The following BBIP1 variants were observed in gnomAD, a reference collection of about 807,000 sequenced individuals.
The protein encoded by BBIP1 is BBSome-interacting protein 1.
In BBIP1, 6 loss-of-function variants were observed where a neutral mutation model predicts 8.9. That is an observed-to-expected ratio of 0.67 (90% CI 0.37 to 1.33). The LOEUF (loss-of-function observed/expected upper bound fraction) is 1.33. BBIP1 is among the 40% of genes most tolerant of loss of function. BBIP1 has a pLI of 0.02. For missense variants in BBIP1, 111 were observed against 109.2 expected (o/e 1.02, Z -0.07); for synonymous variants, 32 against 33.4 (o/e 0.96, Z 0.14).
chr10:110,906,295 C>T (rs1049846098), intron 2 of BBIP1, among the ~76,000 whole-genome samples: 2 of 152,196 alleles, frequency 1.3e-5, no homozygotes, highest in African/African-American at 2.4e-5. Context: ...GGTGAGCCAC[C>T]GTGCCTGGCC....
At chr10:110,910,371 C>CA (rs1304919786) in intron 2 of BBIP1, among the ~76,000 whole-genome samples, 1 of 152,188 alleles carries the variant, frequency 6.6e-6, no homozygotes, top group Non-Finnish European at 1.5e-5. Context: ...AGTTCACACT[C>CA]AGTCTGCAAC....
At position 110,901,586 on chromosome 10, in the gene BBIP1, C is replaced by CT. The variant is rs1175888474; in HGVS notation, c.63dup (p.Asp22ArgfsTer31). ...AACATTGACTTCACTTCTGCCATAT[C>CT]TGAGTTGTTGGATATAGTGTTTTTT... On this transcript the variant is annotated frameshift_variant, in exon 3 of 4. Transcript: ENST00000448814. LOFTEE classifies it high-confidence loss of function. 1.3e-6 allele frequency: 2 copies of CT among 1,535,602 alleles called. No homozygotes were observed. Among genetic ancestry groups the CT allele is most frequent in the Admixed American group, 3.9e-5 (2 of 51,002 alleles).
chr10:110,899,597 T>C lies in BBIP1; in HGVS notation c.*763A>G, dbSNP rs930696809. The C allele has an allele frequency of 3.3e-5, 5 of 152,162 alleles. No homozygotes were observed. The highest frequency in any genetic ancestry group is 1.2e-4 in the African/African-American group (5 of 41,412). 9.4% of individuals were successfully genotyped at this position (152,162 alleles called of 1,614,324 possible). A position where few individuals can be genotyped will look rare whatever the true frequency, so the allele number is the denominator to read the frequency against. On this transcript the variant is annotated 3_prime_UTR_variant, in exon 4 of 4. Transcript: ENST00000448814. ...CGGATCACTTGAGGTTGGGAGTTCA[T>C]GACCAGCTTGACCAACATGAAGAAA...
At chr10:110,912,111 C>T (rs547981927) in intron 2 of BBIP1, 15 of 151,302 alleles carry the variant, frequency 9.9e-5, no homozygotes, top group South Asian at 2.1e-4. Context: ...GTGTCACAGT[C>T]GGACCAATAT....
intron 3 of BBIP1, 136 bp downstream of exon 3, chr10:110,901,402 A>C: frequency 1.6e-6 from 1 of 639,234 alleles, no homozygotes; most frequent in South Asian, 1.9e-5. Flanking sequence ...AAAAGCATAT[A>C]GTAAAAGACA....
At position 110,901,592 on chromosome 10, in the gene BBIP1, T is replaced by C; in HGVS notation, c.58A>G (p.Asn20Asp). The change falls in exon 3 of 4, where the codon AAC becomes GAC. Residue 20 changes from asparagine to aspartate, a missense_variant. Transcript: ENST00000448814. ...GACTTCACTTCTGCCATATCTGAGT[T>C]GTTGGATATAGTGTTTTTTCCTTCA... ...ELSGKNTISN[N>D]SDMAEVKSMF... The C allele has an allele frequency of 6.5e-7, 1 of 1,535,462 alleles. No homozygotes were observed. Among genetic ancestry groups the C allele is most frequent in the Admixed American group, 2.0e-5 (1 of 51,008 alleles).
At chr10:110,911,292 T>G (rs918330341) in intron 2 of BBIP1, 4 of 152,170 alleles carry the variant, frequency 2.6e-5, no homozygotes, top group African/African-American at 7.2e-5. Context: ...AAAAATATTT[T>G]AGAATTCTCC....
At chr10:110,900,709 TA>T in intron 3 of BBIP1, 183 bp from the exon 4 acceptor site, 1 of 540,820 alleles carries the variant, frequency 1.8e-6, no homozygotes, top group East Asian at 3.2e-5. Context: ...CATTTCTTAC[TA>T]GTAGGGTGCT....
At chr10:110,906,444 G>A (rs1433074889) in intron 2 of BBIP1, 1 of 152,332 alleles carries the variant, frequency 6.6e-6, no homozygotes, top group African/African-American at 2.4e-5. Flanking sequence ...CATTGATAAA[G>A]CAATTGTTGA....
intron 2 of BBIP1, among the ~76,000 whole-genome samples, chr10:110,909,484 G>A (rs1225365258): frequency 2.0e-5 from 3 of 152,198 alleles, no homozygotes; most frequent in Non-Finnish European, 4.4e-5. Flanking sequence ...ATGAGCCACC[G>A]TGCCCGGCCA....
At position 110,901,588 on chromosome 10, in the gene BBIP1, G is replaced by T. The variant is rs1421328253; in HGVS notation, c.62C>A (p.Ser21Ter). 1 of 1,535,310 alleles carries T rather than the reference G, an allele frequency of 6.5e-7. No homozygotes were observed. Among genetic ancestry groups the T allele is most frequent in the Non-Finnish European group, 8.7e-7 (1 of 1,146,332 alleles). Residue 21 changes from serine to a stop codon, truncating the protein, a stop_gained, in exon 3 of 4, where the codon TCA (serine) becomes TAA (stop). Coordinates refer to ENST00000448814, the MANE Select transcript of BBIP1 (RefSeq NM_001195305.3). LOFTEE classifies it high-confidence loss of function. ...LSGKNTISNN[S>*]DMAEVKSMFR... ...CATTGACTTCACTTCTGCCATATCTGAGTTGTTGGATATAGTGTTTTTTCC... is the reference window on the plus strand; with the variant it reads ...CATTGACTTCACTTCTGCCATATCTTAGTTGTTGGATATAGTGTTTTTTCC...
Position 110,917,900 on chromosome 10 carries a change from C to T in BBIP1, c.37+221G>A, listed in dbSNP as rs562021094. ...TGCTAAACTCAGAGGAAATTACTTC[C>T]TGCTGGGAAGAATCTGGAAACACAT... is the stretch of plus-strand genomic sequence containing the variant. On this transcript the variant is annotated intron_variant, in intron 2 of 3. Transcript: ENST00000448814. The T allele has an allele frequency of 5.2e-6, 3 of 575,868 alleles. No individual in the cohort carries two copies. The Admixed American group carries it at 9.3e-5, about 18-fold the overall frequency. 35.7% of individuals were successfully genotyped at this position (575,868 alleles called of 1,614,324 possible). A position where few individuals can be genotyped will look rare whatever the true frequency, so the allele number is the denominator to read the frequency against.
intron 2 of BBIP1, among the ~76,000 whole-genome samples, chr10:110,906,249 G>A (rs190950601): frequency 0.017 from 2,603 of 152,116 alleles, 64 homozygotes; most frequent in African/African-American, 0.059. Flanking sequence ...CTCGTGATCC[G>A]CCCACCTCGG....
intron 2 of BBIP1, chr10:110,911,600 TTG>T: frequency 6.6e-6 from 1 of 151,776 alleles, no homozygotes; most frequent in South Asian, 2.1e-4. Flanking sequence ...CATCTCCCAG[TTG>T]CAGCGGGAGG....
At chr10:110,916,738 C>T (rs1472012081) in intron 2 of BBIP1, among the ~76,000 whole-genome samples, 1 of 152,208 alleles carries the variant, frequency 6.6e-6, no homozygotes, top group Non-Finnish European at 1.5e-5. Flanking sequence ...CATCAGTACA[C>T]TTTACTGCAG....
Position 110,900,057 on chromosome 10 carries a change from C to A in BBIP1, c.*303G>T. 1 of 238,690 alleles carries A rather than the reference C, an allele frequency of 4.2e-6. No individual in the cohort carries two copies. The highest frequency in any genetic ancestry group is 8.0e-6 in the Non-Finnish European group (1 of 125,552). 14.8% of individuals were successfully genotyped at this position (238,690 alleles called of 1,614,324 possible). A position where few individuals can be genotyped will look rare whatever the true frequency, so the allele number is the denominator to read the frequency against. Reference sequence around the variant, plus strand: ...TGCCCAAGAATGCTATAAAAGATCCCAAGAATGTTATCTATAAAAGATAGC... The same window carrying A: ...TGCCCAAGAATGCTATAAAAGATCCAAAGAATGTTATCTATAAAAGATAGC... On this transcript the variant is annotated 3_prime_UTR_variant, in exon 4 of 4. Transcript: ENST00000448814.
intron 2 of BBIP1, chr10:110,902,788 G>A (rs1846037207): frequency 6.6e-6 from 1 of 152,174 alleles, no homozygotes; most frequent in Non-Finnish European, 1.5e-5. Flanking sequence ...ATAAGTAATG[G>A]ACCAGGAATA....
At chr10:110,905,923 G>C (rs371824205) in intron 2 of BBIP1, among the ~76,000 whole-genome samples, 4 of 151,636 alleles carry the variant, frequency 2.6e-5, no homozygotes, top group South Asian at 2.1e-4. Flanking sequence ...TCATTTTTAA[G>C]TTAGAAGTTT....
chr10:110,901,050 C>A, intron 3 of BBIP1: 1 of 414,688 alleles, frequency 2.4e-6, no homozygotes, highest in Admixed American at 2.8e-5. Context: ...CTTTGGGATG[C>A]CAAAGGGGTT....
Sources: gnomAD v4.1 joint callset for allele counts (sites outside exome capture counted in the v4.1 genomes callset) on GRCh38, gnomAD v4.1.1 for gene constraint, MANE v1.5 for transcripts, NCBI Gene and HGNC (gene_info 2026-07-23, HGNC 2026-07-21) for gene names.